The following NRG1 variants were observed in gnomAD, a reference collection of about 807,000 sequenced individuals.
NRG1 encodes pro-neuregulin-1, membrane-bound isoform.
NRG1 carries 18 observed loss-of-function variants against 63.8 expected under a neutral mutation model. The observed-to-expected ratio is 0.28, with a 90% CI of 0.19 to 0.42. The LOEUF (loss-of-function observed/expected upper bound fraction) is 0.42, where lower values mean the gene tolerates loss of function less well. Among genes scored for constraint, NRG1 ranks in the 10% least tolerant of loss-of-function variants. The pLI is 1.00. For synonymous variants in NRG1, 302 were observed against 301.3 expected, an observed-to-expected ratio of 1.00 and a Z score of -0.02; for missense variants, 762 against 814.7, an observed-to-expected ratio of 0.94 and a Z score of 0.79.
At chr8:32,526,676 C>T (rs1391319302) in intron 1 of NRG1, among the ~76,000 whole-genome samples, 2 of 152,162 alleles carry the variant, frequency 1.3e-5, no homozygotes, top group African/African-American at 2.4e-5. Flanking sequence ...CAAGTAGTGA[C>T]CTCCATCTTG....
At chr8:31,671,824 A>G (rs907472932) in intron 1 of NRG1, among the ~76,000 whole-genome samples, 23 of 152,132 alleles carry the variant, frequency 1.5e-4, no homozygotes, top group African/African-American at 5.3e-4. Context: ...AAAGATACGT[A>G]CAAAAGATGA....
At chr8:31,802,096 C>T (rs1017911303) in intron 1 of NRG1, among the ~76,000 whole-genome samples, 12 of 152,210 alleles carry the variant, frequency 7.9e-5, no homozygotes, top group African/African-American at 2.4e-4. Context: ...TAAATGCCAA[C>T]AGAAATTTGT....
chr8:32,668,154 A>G (rs796114339), intron 5 of NRG1, among the ~76,000 whole-genome samples: 10 of 151,884 alleles, frequency 6.6e-5, no homozygotes, highest in African/African-American at 2.2e-4. Flanking sequence ...TGGAGGTTGT[A>G]GTGAGCCGAG....
rs10557313 is a variant in NRG1, at chr8:31,921,477, T to TACACACACAC, written c.37+282060_37+282069dup. ...ATCTATTTACACACATACACACACA[T>TACACACACAC]ACACACACACACACACACACACAGA... On this transcript the variant is annotated intron_variant, in intron 1 of 10. Transcript: ENST00000519301. Among the ~76,000 whole-genome samples, 392 of 150,800 alleles carry TACACACACAC rather than the reference T, an allele frequency of 2.6e-3. 4 individuals are homozygous for TACACACACAC. The highest frequency in any genetic ancestry group is 9.1e-3 in the African/African-American group (376 of 41,124).
At chr8:32,076,044 C>T (rs1449085765) in intron 1 of NRG1, among the ~76,000 whole-genome samples, 1 of 152,196 alleles carries the variant, frequency 6.6e-6, no homozygotes, top group East Asian at 1.9e-4. Context: ...GCCAAACCCA[C>T]AGACATGGAG....
chr8:31,829,746 A>G (rs1824924448), intron 1 of NRG1, among the ~76,000 whole-genome samples: 1 of 152,182 alleles, frequency 6.6e-6, no homozygotes, highest in South Asian at 2.1e-4. Context: ...GACCATACGT[A>G]GGAACCTGCT....
chr8:32,414,768 G>A (rs999199536), intron 1 of NRG1, among the ~76,000 whole-genome samples: 7 of 152,082 alleles, frequency 4.6e-5, no homozygotes, highest in African/African-American at 1.7e-4. Context: ...ATTAGAGTTC[G>A]ACAAAATCTC....
At chr8:31,763,818 C>T (rs1403030622) in intron 1 of NRG1, among the ~76,000 whole-genome samples, 1 of 151,902 alleles carries the variant, frequency 6.6e-6, no homozygotes. Flanking sequence ...GGCATGGTGG[C>T]GGGTGGCTGT....
chr8:32,149,977 C>A (rs962194890), intron 1 of NRG1, among the ~76,000 whole-genome samples: 1 of 152,180 alleles, frequency 6.6e-6, no homozygotes, highest in African/African-American at 2.4e-5. Context: ...CTTGGCAGCA[C>A]TAGCAAGGGC....
At chr8:32,284,949 A>G (rs531661002) in intron 1 of NRG1, among the ~76,000 whole-genome samples, 1 of 152,268 alleles carries the variant, frequency 6.6e-6, no homozygotes, top group African/African-American at 2.4e-5. Flanking sequence ...TAAAGAATGC[A>G]CTTGGTTTTG....
intron 1 of NRG1, among the ~76,000 whole-genome samples, chr8:32,468,734 T>TTC (rs1193550901): frequency 6.6e-6 from 1 of 152,022 alleles, no homozygotes; most frequent in African/African-American, 2.4e-5. Context: ...TTTTTTTTTT[T>TTC]TTTTCAGCAA....
chr8:32,058,974 T>C (rs1823413356), intron 1 of NRG1, among the ~76,000 whole-genome samples: 1 of 152,014 alleles, frequency 6.6e-6, no homozygotes, highest in African/African-American at 2.4e-5. Context: ...TGCCCAAAGG[T>C]TAACTTTAAA....
In NRG1 at chr8:32,488,160, T is replaced by C. The variant is rs376883748; in HGVS notation, c.38-107668T>C. 2.6e-5 allele frequency among the ~76,000 whole-genome samples: 4 copies of C among 152,284 alleles called. No homozygotes were observed. In the East Asian group the frequency reaches 5.8e-4, roughly 22 times the overall value. On this transcript the variant is annotated intron_variant, in intron 1 of 10. Transcript: ENST00000519301. ...CTTGTTTCTAGTAGGACTGATGGAG[T>C]CTTCCATTATTTCGCCTAAATATTT...
Position 31,640,233 on chromosome 8 carries a change from C to G in NRG1, c.37+802C>G, listed in dbSNP as rs1803606782. 7.8e-6 allele frequency: 9 copies of G among 1,155,752 alleles called. No individual in the cohort carries two copies. In the South Asian group the frequency reaches 3.7e-4, roughly 48 times the overall value. The allele number at this position is 1,155,752 out of a possible 1,614,324, so 71.6% of individuals were successfully genotyped here. A position where few individuals can be genotyped will look rare whatever the true frequency, so the allele number is the denominator to read the frequency against. ...TAGCTCAGCGCGCCGCGGTGGTGAT[C>G]GAGGGAAAGGTGCACCCGCAGCGGC... On this transcript the variant is annotated intron_variant, in intron 1 of 10. Transcript: ENST00000519301. This position sits in a 1 kb window ranked among gnomAD's most constrained non-coding sequence, Gnocchi z 6.3.
chr8:31,847,307 A>G (rs1328677951), intron 1 of NRG1, among the ~76,000 whole-genome samples: 2 of 109,180 alleles, frequency 1.8e-5, no homozygotes, highest in African/African-American at 6.4e-5. Flanking sequence ...ACATTAAGCC[A>G]TCAGAGCCAA....
intron 1 of NRG1, among the ~76,000 whole-genome samples, chr8:32,217,213 CAAA>C (rs538507645): frequency 1.4e-4 from 14 of 101,172 alleles, no homozygotes; most frequent in African/African-American, 4.9e-4. Flanking sequence ...GACCCTGTCT[CAAA>C]AAAAAAAAAA....
At chr8:32,023,267 A>G (rs1306836435) in intron 1 of NRG1, among the ~76,000 whole-genome samples, 1 of 152,218 alleles carries the variant, frequency 6.6e-6, no homozygotes, top group Non-Finnish European at 1.5e-5. Flanking sequence ...AGTTCAAGAA[A>G]TGGCCAAGAG....
chr8:32,376,818 T>C (rs1341114540), intron 1 of NRG1, among the ~76,000 whole-genome samples: 1 of 152,210 alleles, frequency 6.6e-6, no homozygotes, highest in East Asian at 1.9e-4. Context: ...TTCCATTCTT[T>C]GATTAGCAAG....
intron 1 of NRG1, among the ~76,000 whole-genome samples, chr8:32,189,585 A>T (rs1019910715): frequency 3.9e-5 from 6 of 152,190 alleles, no homozygotes; most frequent in African/African-American, 1.4e-4. Context: ...TTAAGAGAGA[A>T]TGAAATAAGA....
Sources: gnomAD v4.1 joint callset for allele counts (sites outside exome capture counted in the v4.1 genomes callset) on GRCh38, gnomAD v4.1.1 for gene constraint, Gnocchi (gnomAD v3.1) non-coding constraint, MANE v1.5 for transcripts, NCBI Gene and HGNC (gene_info 2026-07-23, HGNC 2026-07-21) for gene names.